The following THAP4 variants were observed in gnomAD, a reference collection of about 807,000 sequenced individuals.
The protein encoded by THAP4 is THAP domain containing 4, also known as peroxynitrite isomerase THAP4.
THAP4 carries 18 observed loss-of-function variants against 48.1 expected under a neutral mutation model. The observed-to-expected ratio is 0.37, with a 90% CI of 0.26 to 0.56. THAP4 has a LOEUF of 0.56. Among genes scored for constraint, THAP4 ranks in the 20% least tolerant of loss-of-function variants. The pLI is 0.78. For missense variants in THAP4, 656 were observed against 774.9 expected (o/e 0.85, Z 1.82); for synonymous variants, 345 against 324.9 (o/e 1.06, Z -0.66).
chr2:241,589,913 C>G (rs1173851705), intron 5 of THAP4, among the ~76,000 whole-genome samples: 1 of 152,074 alleles, frequency 6.6e-6, no homozygotes, highest in African/African-American at 2.4e-5. Context: ...GAAAGGAGAC[C>G]GGAAACAAAT....
At chr2:241,609,651 G>C (rs539020534) in intron 2 of THAP4, among the ~76,000 whole-genome samples, 2 of 152,178 alleles carry the variant, frequency 1.3e-5, no homozygotes, top group Non-Finnish European at 2.9e-5. Context: ...GCCGGGCGTG[G>C]TGGCACACGC....
Position 241,606,337 on chromosome 2 carries a change from C to A in THAP4, c.1377G>T (p.Val459=). 6.4e-7 allele frequency: 1 copy of A among 1,562,306 alleles called. No homozygotes were observed. Residue 459 remains valine, a synonymous_variant, in exon 3 of 6, where the codon GTG becomes GTT. Coordinates refer to ENST00000407315, the MANE Select transcript of THAP4 (RefSeq NM_015963.6). ...ACGAGAAGTTCAGCATGGGCTGGCCCACGTGGGAGATGTGAACCTCCTCCA... is the reference window on the plus strand; with the variant it reads ...ACGAGAAGTTCAGCATGGGCTGGCCAACGTGGGAGATGTGAACCTCCTCCA... The part of the protein sequence containing the change: ...QYLEEVHISH[V]GQPMLNFSFN...
At chr2:241,584,885 G>T in intron 5 of THAP4, 160 bp from the exon 6 acceptor site, 1 of 835,834 alleles carries the variant, frequency 1.2e-6, no homozygotes, top group Non-Finnish European at 1.9e-6. Flanking sequence ...CCCTGGGCAT[G>T]TCACAATCCA....
At chr2:241,585,912 C>CAAAAAAA (rs1175852721) in intron 5 of THAP4, among the ~76,000 whole-genome samples, 28 of 28,250 alleles carry the variant, frequency 9.9e-4, no homozygotes, top group East Asian at 4.0e-3. Flanking sequence ...GACTCCTTCT[C>CAAAAAAA]AAAAAAAAAA....
chr2:241,619,204 G>A (rs901687273), intron 2 of THAP4, among the ~76,000 whole-genome samples: 6 of 152,158 alleles, frequency 3.9e-5, no homozygotes, highest in Non-Finnish European at 7.4e-5. Context: ...GAAACTCCAC[G>A]ACAACAGGGA....
intron 3 of THAP4, among the ~76,000 whole-genome samples, chr2:241,603,676 CCTAACACAAT>C (rs1312733961): frequency 6.6e-6 from 1 of 152,222 alleles, no homozygotes; most frequent in Non-Finnish European, 1.5e-5. Context: ...TAAACCTCAC[CCTAACACAAT>C]CTTTCTCTTT....
chr2:241,624,893 TG>T (rs1277655456), intron 2 of THAP4, among the ~76,000 whole-genome samples: 5 of 152,132 alleles, frequency 3.3e-5, no homozygotes, highest in Non-Finnish European at 7.3e-5. Context: ...GAACGGAAGG[TG>T]GTCGGAGCGC....
intron 5 of THAP4, among the ~76,000 whole-genome samples, chr2:241,586,800 T>G (rs1033055306): frequency 2.0e-5 from 3 of 152,128 alleles, no homozygotes; most frequent in Admixed American, 6.5e-5. Context: ...AATATCCACA[T>G]TGAAGCTTAG....
At chr2:241,604,132 G>C (rs567044281) in intron 3 of THAP4, among the ~76,000 whole-genome samples, 1 of 151,944 alleles carries the variant, frequency 6.6e-6, no homozygotes, top group East Asian at 1.9e-4. Flanking sequence ...ACCCAGGCTC[G>C]TCGCGGTCTC....
At chr2:241,619,194 G>A (rs1365133430) in intron 2 of THAP4, among the ~76,000 whole-genome samples, 1 of 152,198 alleles carries the variant, frequency 6.6e-6, no homozygotes, top group Non-Finnish European at 1.5e-5. Context: ...CATGCTCGGA[G>A]AAACTCCACG....
chr2:241,617,266 C>T (rs985725130), intron 2 of THAP4: 2 of 648,208 alleles, frequency 3.1e-6, no homozygotes, highest in Non-Finnish European at 5.4e-6. Flanking sequence ...TTTAAATAAA[C>T]CAGACAGGCT....
chr2:241,615,301 G>A (rs1327431035), intron 2 of THAP4, among the ~76,000 whole-genome samples: 1 of 152,122 alleles, frequency 6.6e-6, no homozygotes, highest in Non-Finnish European at 1.5e-5. Context: ...GAACACCTAG[G>A]AGCTTGTGTT....
At chr2:241,635,683 T>C (rs1014368495) in intron 1 of THAP4, among the ~76,000 whole-genome samples, 2 of 151,346 alleles carry the variant, frequency 1.3e-5, no homozygotes, top group Non-Finnish European at 2.9e-5. Context: ...AGCAGGAGAA[T>C]AGCTTGAACC....
intron 4 of THAP4, 27 bp downstream of exon 4, chr2:241,602,943 C>T (rs1427072346): frequency 1.3e-6 from 2 of 1,572,036 alleles, no homozygotes; most frequent in Non-Finnish European, 1.7e-6. Flanking sequence ...CATGGCCAGC[C>T]CTCCCGCCCC....
intron 2 of THAP4, among the ~76,000 whole-genome samples, chr2:241,611,005 A>T (rs1251875131): frequency 6.6e-6 from 1 of 152,058 alleles, no homozygotes; most frequent in Non-Finnish European, 1.5e-5. Flanking sequence ...CCCAAGAATT[A>T]AAAAAAACAA....
chr2:241,585,748 A>G (rs147834011), intron 5 of THAP4, among the ~76,000 whole-genome samples: 1,840 of 151,884 alleles, frequency 0.012, 33 homozygotes, highest in African/African-American at 0.041. Flanking sequence ...TTCAGTGTCC[A>G]TCTAGGAGGA....
At chr2:241,613,174 T>C (rs1014078403) in intron 2 of THAP4, among the ~76,000 whole-genome samples, 10 of 151,820 alleles carry the variant, frequency 6.6e-5, no homozygotes, top group Non-Finnish European at 1.2e-4. Flanking sequence ...TTTGTTTCTA[T>C]GTCTTCTCCC....
intron 4 of THAP4, 41 bp from the exon 5 acceptor site, chr2:241,602,040 G>A: frequency 6.3e-7 from 1 of 1,593,280 alleles, no homozygotes; most frequent in East Asian, 2.2e-5. Context: ...CAGCTGCTCG[G>A]CTTGCAGAGA....
At chr2:241,609,442 T>C (rs2067234002) in intron 2 of THAP4, among the ~76,000 whole-genome samples, 1 of 152,156 alleles carries the variant, frequency 6.6e-6, no homozygotes, top group African/African-American at 2.4e-5. Flanking sequence ...GCTATAGCCT[T>C]GGAGACCTTT....
Sources: allele counts gnomAD v4.1 joint callset (sites outside exome capture counted in the v4.1 genomes callset), GRCh38; gene constraint gnomAD v4.1.1; transcripts MANE v1.5; gene names NCBI Gene and HGNC (gene_info 2026-07-23, HGNC 2026-07-21).